The following KRT18 variants were observed in gnomAD, a reference collection of about 807,000 sequenced individuals.
The protein encoded by KRT18 is keratin 18.
Under a neutral mutation model 39.9 loss-of-function variants are expected in KRT18, and 8 were observed. The observed-to-expected ratio is 0.20, with a 90% CI of 0.12 to 0.36. KRT18 has a LOEUF of 0.36. Among genes scored for constraint, KRT18 ranks in the 10% least tolerant of loss-of-function variants. The pLI, the probability that KRT18 is intolerant of heterozygous loss-of-function variation, is 1.00. For missense variants in KRT18, 396 were observed against 565.7 expected (o/e 0.70, Z 3.04); for synonymous variants, 194 against 227.8 (o/e 0.85, Z 1.33).
Position 52,952,715 on chromosome 12 carries a change from G to C in KRT18, c.1173-7G>C. On this transcript the variant is annotated splice_region_variant and splice_polypyrimidine_tract_variant and intron_variant, in intron 6 of 6. Transcript: ENST00000388835. ...GTTTATAACTTGGGCTTGGTCTTCTGTTACAGTCTTGGTGATGCCTTGGAC... is the reference window on the plus strand; with the variant it reads ...GTTTATAACTTGGGCTTGGTCTTCTCTTACAGTCTTGGTGATGCCTTGGAC... 1 of 1,612,466 alleles carries C rather than the reference G, an allele frequency of 6.2e-7. No individual in the cohort carries two copies. Among genetic ancestry groups the C allele is most frequent in the African/African-American group, 1.3e-5 (1 of 74,936 alleles).
In KRT18 at chr12:52,949,549, T is replaced by A. The variant is rs1213337755; in HGVS notation, c.376T>A (p.Trp126Arg). The change falls in exon 1 of 7, where the codon TGG becomes AGG. Residue 126 changes from tryptophan to arginine, a missense_variant. Physicochemically the swap from Trp to Arg is moderately radical, Grantham distance 101. Transcript: ENST00000388835. ...LEKKGPQVRD[W>R]SHYFKIIEDL... ...GAAGAAGGGACCCCAGGTCAGAGAC[T>A]GGAGCCATTACTTCAAGATCATCGA... 3 of 1,613,684 alleles carry A rather than the reference T, an allele frequency of 1.9e-6. No homozygotes were observed. Among genetic ancestry groups the A allele is most frequent in the Admixed American group, 1.7e-5 (1 of 60,010 alleles).
At position 52,951,512 on chromosome 12, in the gene KRT18, G is replaced by C. The variant is rs58472472; in HGVS notation, c.689G>C (p.Ser230Thr). 9,181 of 1,614,086 alleles carry C rather than the reference G, an allele frequency of 5.7e-3. 44 individuals carry two copies. Among genetic ancestry groups the C allele is most frequent in the Non-Finnish European group, 7.0e-3 (8,228 of 1,179,936 alleles). ...EVKGLQAQIASSGLTVEVDAP... is the reference protein window; with the variant it reads ...EVKGLQAQIATSGLTVEVDAP... ...AAAGGCCTACAAGCCCAGATTGCCAGCTCTGGGTTGACCGTGGAGGTAGAT... is the reference window on the plus strand; with the variant it reads ...AAAGGCCTACAAGCCCAGATTGCCACCTCTGGGTTGACCGTGGAGGTAGAT... Residue 230 changes from serine (S) to threonine (T), a missense_variant, in exon 4 of 7, where the codon AGC (serine) becomes ACC (threonine). Transcript: ENST00000388835.
Position 52,950,576 on chromosome 12 carries a change from G to T in KRT18, c.500+166G>T, listed in dbSNP as rs148190864. ...TTTAACTGTTCATTTGTATAACCCC[G>T]TTTAAGAATACTGTCCTCCAAGTGC... On this transcript the variant is annotated intron_variant, in intron 2 of 6. Coordinates refer to ENST00000388835, the MANE Select transcript of KRT18 (RefSeq NM_000224.3). 9.7e-5 allele frequency: 80 copies of T among 821,198 alleles called. No homozygotes were observed. The African/African-American group carries it at 1.3e-3, about 13-fold the overall frequency. The allele number at this position is 821,198 out of a possible 1,614,324, so 50.9% of individuals were successfully genotyped here. A position where few individuals can be genotyped will look rare whatever the true frequency, so the allele number is the denominator to read the frequency against.
Position 52,951,744 on chromosome 12 carries a change from C to T in KRT18, c.836C>T (p.Thr279Ile). The change falls in exon 5 of 7, where the codon ACC (threonine) becomes ATC (isoleucine). Residue 279 changes from threonine (T) to isoleucine (I), a missense_variant. Transcript: ENST00000388835. ...KYWSQQIEESTTVVTTQSAEV... is the reference protein window; with the variant it reads ...KYWSQQIEESITVVTTQSAEV... ...CCCATCCTGCAGATTGAGGAGAGCA[C>T]CACAGTGGTCACCACACAGTCTGCT... 1 of 1,613,366 alleles carries T rather than the reference C, an allele frequency of 6.2e-7. No homozygotes were observed. Among genetic ancestry groups the T allele is most frequent in the Non-Finnish European group, 8.5e-7 (1 of 1,180,010 alleles).
intron 6 of KRT18, 42 bp downstream of exon 6, chr12:52,952,384 A>G (rs1447611233): frequency 7.5e-7 from 1 of 1,342,230 alleles, no homozygotes; most frequent in East Asian, 2.4e-5. Context: ...GGATCAGGAG[A>G]TCACTTCTCC....
Position 52,950,858 on chromosome 12 carries a change from C to G in KRT18, c.609C>G (p.Ile203Met). 1 of 1,601,762 alleles carries G rather than the reference C, an allele frequency of 6.2e-7. No homozygotes were observed. Among genetic ancestry groups the G allele is most frequent in the East Asian group, 2.2e-5 (1 of 44,662 alleles). ...NITRLQLETEIEALKEELLFM... is the reference protein window; with the variant it reads ...NITRLQLETEMEALKEELLFM... ...CACGACTGCAGCTGGAGACAGAGAT[C>G]GAGGCTCTCAAGGAGGAGCTGCTCT... The change falls in exon 3 of 7, where the codon ATC (isoleucine) becomes ATG (methionine). Residue 203 changes from isoleucine to methionine, a missense_variant. Coordinates refer to ENST00000388835, the MANE Select transcript of KRT18 (RefSeq NM_000224.3).
intron 2 of KRT18, 119 bp from the exon 3 acceptor site, chr12:52,950,631 A>T: frequency 9.6e-7 from 1 of 1,040,498 alleles, no homozygotes; most frequent in Non-Finnish European, 1.5e-6. Context: ...ATTACCACCT[A>T]ATTGCTGACT....
rs556613623 is a variant in KRT18 at position 52,949,683 on chromosome 12, C to A, written c.417+93C>A. The A allele has an allele frequency of 1.4e-3, 1,543 of 1,108,808 alleles. 9 individuals carry two copies. The highest frequency in any genetic ancestry group is 5.5e-3 in the South Asian group (430 of 78,082). The allele number at this position is 1,108,808 out of a possible 1,614,324, so 68.7% of individuals were successfully genotyped here. ...TTTCCGTCATTCCATAACCACCCAA[C>A]CCCTACTCCACCGGGAGGGGGTTGG... On this transcript the variant is annotated intron_variant, in intron 1 of 6. Coordinates refer to ENST00000388835, the MANE Select transcript of KRT18 (RefSeq NM_000224.3).
chr12:52,949,230 C>A lies in KRT18; in HGVS notation c.57C>A (p.Val19=), dbSNP rs780920567. ...FSTNYRSLGS[V]QAPSYGARPV... ...CCAACTACCGGTCCCTGGGCTCTGT[C>A]CAGGCGCCCAGCTACGGCGCCCGGC... The change falls in exon 1 of 7, where the codon GTC becomes GTA. Residue 19 remains valine (V), a synonymous_variant. Transcript: ENST00000388835. The A allele has an allele frequency of 7.4e-6, 12 of 1,611,494 alleles. No homozygotes were observed. The Admixed American group carries it at 1.8e-4, about 25-fold the overall frequency.
chr12:52,952,575 G>C (rs1942510178), intron 6 of KRT18, 147 bp from the exon 7 acceptor site: 2 of 932,776 alleles, frequency 2.1e-6, no homozygotes, highest in South Asian at 2.7e-5. Context: ...AATGAAGTTT[G>C]GCCTTGAGTT....
chr12:52,949,583 G>A lies in KRT18; in HGVS notation c.410G>A (p.Arg137Lys), dbSNP rs1686658712. ...TACTTCAAGATCATCGAGGACCTGA[G>A]GGCTCAGGTAAGGGGTAGGAGGGAC... is the stretch of plus-strand genomic sequence containing the variant. ...SHYFKIIEDL[R>K]AQIFANTVDN... Residue 137 changes from arginine to lysine, a missense_variant, in exon 1 of 7, where the codon AGG becomes AAG. Arg to Lys is a conservative substitution (Grantham distance 26). Coordinates refer to ENST00000388835, the MANE Select transcript of KRT18 (RefSeq NM_000224.3). 1 of 1,613,672 alleles carries A rather than the reference G, an allele frequency of 6.2e-7. No individual in the cohort carries two copies. Among genetic ancestry groups the A allele is most frequent in the African/African-American group, 1.3e-5 (1 of 74,918 alleles).
Position 52,952,329 on chromosome 12 carries a change from G to C in KRT18, c.1159G>C (p.Gly387Arg). 2 of 1,601,258 alleles carry C rather than the reference G, an allele frequency of 1.2e-6. No individual in the cohort carries two copies. Among genetic ancestry groups the C allele is most frequent in the Non-Finnish European group, 1.7e-6 (2 of 1,174,202 alleles). ...IATYRRLLED[G>R]EDFNLGDALD... ...CACCTACCGCCGCCTGCTGGAAGAT[G>C]GCGAGGACTTTAAGTGAGTGGGGCT... Residue 387 changes from glycine (G) to arginine (R), a missense_variant, in exon 6 of 7, where the codon GGC (glycine) becomes CGC (arginine). Transcript: ENST00000388835.
chr12:52,949,057 G>A (rs1942406410), upstream of KRT18: 13 of 1,000,574 alleles, frequency 1.3e-5, no homozygotes, highest in South Asian at 1.7e-4. Flanking sequence ...TTCCGAAGCG[G>A]CTCCGGGGCG....
intron 6 of KRT18, 186 bp from the exon 7 acceptor site, chr12:52,952,536 G>A (rs990554977): frequency 2.0e-5 from 16 of 791,034 alleles, no homozygotes; most frequent in South Asian, 1.9e-4. Context: ...AGCAAACTAA[G>A]TATTGTCCCT....
Position 52,949,225 on chromosome 12 carries a change from T to A in KRT18, c.52T>A (p.Ser18Thr), listed in dbSNP as rs1479948631. 1 of 1,611,414 alleles carries A rather than the reference T, an allele frequency of 6.2e-7. No homozygotes were observed. ...CTCCACCAACTACCGGTCCCTGGGCTCTGTCCAGGCGCCCAGCTACGGCGC... is the reference window on the plus strand; with the variant it reads ...CTCCACCAACTACCGGTCCCTGGGCACTGTCCAGGCGCCCAGCTACGGCGC... ...TFSTNYRSLG[S>T]VQAPSYGARP... The change falls in exon 1 of 7, where the codon TCT (serine) becomes ACT (threonine). Residue 18 changes from serine to threonine, a missense_variant. Coordinates refer to ENST00000388835, the MANE Select transcript of KRT18 (RefSeq NM_000224.3).
chr12:52,949,797 G>A (rs1325570555), intron 1 of KRT18: 1 of 710,436 alleles, frequency 1.4e-6, no homozygotes, highest in Non-Finnish European at 2.6e-6. Flanking sequence ...AGGAGAGAGG[G>A]GGAAGGGGAC....
chr12:52,952,504 C>G, intron 6 of KRT18, 162 bp downstream of exon 6: 1 of 748,284 alleles, frequency 1.3e-6, no homozygotes, highest in Non-Finnish European at 2.3e-6. Flanking sequence ...GTAACAGTTA[C>G]AGAGGTCTCC....
In KRT18 at chr12:52,950,339, T is replaced by C. The variant is rs780414092; in HGVS notation, c.429T>C (p.Asn143=). Residue 143 remains asparagine, a synonymous_variant, in exon 2 of 7, where the codon AAT becomes AAC. Transcript: ENST00000388835. ...TACAATCCCTCCAGATCTTCGCAAA[T>C]ACTGTGGACAATGCCCGCATCGTTC... ...IEDLRAQIFA[N]TVDNARIVLQ... 5 of 1,612,194 alleles carry C rather than the reference T, an allele frequency of 3.1e-6. No homozygotes were observed. Among genetic ancestry groups the C allele is most frequent in the South Asian group, 1.1e-5 (1 of 91,034 alleles).
At chr12:52,951,704 G>C in intron 4 of KRT18, 27 bp from the exon 5 acceptor site, 1 of 1,613,162 alleles carries the variant, frequency 6.2e-7, no homozygotes, top group Non-Finnish European at 8.5e-7. Context: ...GGAATGAGGG[G>C]CCTGATGGAC....
Sources: allele counts gnomAD v4.1 joint callset, GRCh38; gene constraint gnomAD v4.1.1; transcripts MANE v1.5; gene names NCBI Gene and HGNC (gene_info 2026-07-23, HGNC 2026-07-21).